Variants in ATP8A2 observed in about 807,000 individuals in gnomAD.
The protein encoded by ATP8A2 is phospholipid-transporting ATPase IB.
ATP8A2 carries 100 observed loss-of-function variants against 165.6 expected under a neutral mutation model. That is an observed-to-expected ratio of 0.60 (90% CI 0.51 to 0.71). The LOEUF (loss-of-function observed/expected upper bound fraction) is 0.71. ATP8A2 is among the 30% of genes least tolerant of loss of function. The pLI is 0.00. For synonymous variants in ATP8A2, 543 were observed against 548.8 expected, an observed-to-expected ratio of 0.99 and a Z score of 0.15; for missense variants, 1,227 against 1,479.5, an observed-to-expected ratio of 0.83 and a Z score of 2.80.
intron 2 of ATP8A2, 96 bp from the exon 3 acceptor site, chr13:25,529,903 A>T: frequency 3.0e-6 from 2 of 661,492 alleles, no homozygotes; most frequent in Non-Finnish European, 5.0e-6. Flanking sequence ...ATTTTTTTTT[A>T]AACCATTTGT....
At chr13:25,747,566 G>T (rs542272721) in intron 25 of ATP8A2, among the ~76,000 whole-genome samples, 95 of 147,560 alleles carry the variant, frequency 6.4e-4, no homozygotes, top group African/African-American at 2.3e-3. Flanking sequence ...TCATGGAGGA[G>T]GGGTTAGACA....
chr13:25,917,101 T>C (rs977506030), intron 33 of ATP8A2, among the ~76,000 whole-genome samples: 1 of 152,244 alleles, frequency 6.6e-6, no homozygotes, highest in Non-Finnish European at 1.5e-5. Context: ...GGATTGACTC[T>C]AGCCGCCCAT....
At chr13:25,435,681 G>A (rs1418948274) in intron 1 of ATP8A2, among the ~76,000 whole-genome samples, 1 of 151,710 alleles carries the variant, frequency 6.6e-6, no homozygotes, top group African/African-American at 2.4e-5. Context: ...TATTTGCACA[G>A]TTAATGGATC....
At chr13:25,671,699 C>A (rs986010997) in intron 24 of ATP8A2, among the ~76,000 whole-genome samples, 2 of 152,168 alleles carry the variant, frequency 1.3e-5, no homozygotes, top group African/African-American at 4.8e-5. Context: ...AAAACCCTGT[C>A]TCCTGATAAG....
chr13:25,741,511 A>G (rs1004414386), intron 25 of ATP8A2, among the ~76,000 whole-genome samples: 5 of 151,832 alleles, frequency 3.3e-5, no homozygotes, highest in African/African-American at 1.2e-4. Context: ...CCTCCTGAAT[A>G]GCTGGGTATA....
chr13:25,953,896 G>A lies in ATP8A2; in HGVS notation c.3184-7679G>A, dbSNP rs1429466181. 1.3e-5 allele frequency among the ~76,000 whole-genome samples: 2 copies of A among 152,122 alleles called. No individual in the cohort carries two copies. The highest frequency in any genetic ancestry group is 1.9e-4 in the East Asian group (1 of 5,190). The stretch of plus-strand genomic sequence containing the variant: ...TCCCTCCGGTGCCTACATCACCAGG[G>A]CCCTGGGTTTCAAGCACAAAACTGC... On this transcript the variant is annotated intron_variant, in intron 33 of 36. Coordinates refer to ENST00000381655, the MANE Select transcript of ATP8A2 (RefSeq NM_016529.6). The surrounding 1 kb of genome is among the most constrained non-coding windows in gnomAD (Gnocchi z 6.7).
Position 25,769,138 on chromosome 13 carries a change from T to G in ATP8A2, c.2477T>G (p.Val826Gly). The change falls in exon 26 of 37, where the codon GTC becomes GGC. Residue 826 changes from valine (V) to glycine (G), a missense_variant. Val to Gly is a moderately radical substitution (Grantham distance 109). Coordinates refer to ENST00000381655, the MANE Select transcript of ATP8A2 (RefSeq NM_016529.6). ...TLAIGDGAND[V>G]GMIQTAHVGV... ...GCCATCGGAGACGGCGCCAACGATGTCGGGATGATCCAGACAGCCCACGTG... is the reference window on the plus strand; with the variant it reads ...GCCATCGGAGACGGCGCCAACGATGGCGGGATGATCCAGACAGCCCACGTG... 1.2e-6 allele frequency: 2 copies of G among 1,614,122 alleles called. No individual in the cohort carries two copies. The highest frequency in any genetic ancestry group is 1.7e-6 in the Non-Finnish European group (2 of 1,180,016).
intron 33 of ATP8A2, among the ~76,000 whole-genome samples, chr13:25,952,935 C>A (rs1459732469): frequency 6.6e-6 from 1 of 152,078 alleles, no homozygotes; most frequent in Non-Finnish European, 1.5e-5. Context: ...CTCATGAAAA[C>A]CAAGGTTTTC....
At chr13:25,759,654 T>C (rs994485467) in intron 25 of ATP8A2, among the ~76,000 whole-genome samples, 1 of 152,196 alleles carries the variant, frequency 6.6e-6, no homozygotes, top group Non-Finnish European at 1.5e-5. Context: ...GATGTGTTAT[T>C]CTAATCCCTG....
intron 25 of ATP8A2, among the ~76,000 whole-genome samples, 158 bp from the exon 26 acceptor site, chr13:25,768,888 A>G (rs1305994554): frequency 6.6e-6 from 1 of 152,226 alleles, no homozygotes; most frequent in African/African-American, 2.4e-5. Context: ...GCCACAAGCT[A>G]CTGTTTTCTG....
In ATP8A2 at chr13:25,533,297, C is replaced by A. The variant is rs2038174493; in HGVS notation, c.491C>A (p.Thr164Asn). The change falls in exon 6 of 37, where the codon ACC becomes AAC. Residue 164 changes from threonine to asparagine, a missense_variant. This residue lies in a region of ATP8A2 where 356 missense variants were observed against 394.9 expected (regional missense o/e 0.90). Transcript: ENST00000381655. ...TIVLRNGMWH[T>N]IMWKEVAVGD... ...GTGTTAAGAAATGGTATGTGGCATACCATTATGTGGAAAGAGGTAAAAACT... is the reference window on the plus strand; with the variant it reads ...GTGTTAAGAAATGGTATGTGGCATAACATTATGTGGAAAGAGGTAAAAACT... The A allele has an allele frequency of 6.6e-7, 1 of 1,514,006 alleles. No individual in the cohort carries two copies. Among genetic ancestry groups the A allele is most frequent in the Non-Finnish European group, 9.2e-7 (1 of 1,092,814 alleles). The allele number at this position is 1,514,006 out of a possible 1,614,324, so 93.8% of individuals were successfully genotyped here. A position where few individuals can be genotyped will look rare whatever the true frequency, so the allele number is the denominator to read the frequency against.
At position 25,804,877 on chromosome 13, in the gene ATP8A2, G is replaced by T. The variant is rs543325117; in HGVS notation, c.2680-23241G>T. Among the ~76,000 whole-genome samples the T allele has an allele frequency of 8.5e-5, 13 of 152,310 alleles. No individual in the cohort carries two copies. In the East Asian group the frequency reaches 2.5e-3, roughly 29 times the overall value. ...GTAGAAGCTAGCTGAGGTTTAAGAG[G>T]TTTGTGCAGGAGAAAAATGAGGCGT... On this transcript the variant is annotated intron_variant, in intron 27 of 36. Transcript: ENST00000381655.
intron 36 of ATP8A2, among the ~76,000 whole-genome samples, chr13:26,014,483 G>A (rs1031508219): frequency 6.6e-6 from 1 of 152,152 alleles, no homozygotes; most frequent in Non-Finnish European, 1.5e-5. Context: ...TGAATGAGGG[G>A]CTTAGCATCT....
chr13:25,961,181 G>A (rs566357736), intron 33 of ATP8A2, among the ~76,000 whole-genome samples: 25 of 152,268 alleles, frequency 1.6e-4, no homozygotes, highest in Middle Eastern at 3.4e-3. Flanking sequence ...ATGAATGAAC[G>A]GGCATTGAGA....
intron 2 of ATP8A2, among the ~76,000 whole-genome samples, chr13:25,504,421 C>CTTT (rs577817952): frequency 6.4e-5 from 8 of 124,182 alleles, no homozygotes; most frequent in African/African-American, 1.8e-4. Context: ...CTTTCCTTTC[C>CTTT]TTTTTTTTTT....
chr13:25,480,287 G>A (rs968707583), intron 2 of ATP8A2, among the ~76,000 whole-genome samples: 1 of 150,780 alleles, frequency 6.6e-6, no homozygotes, highest in African/African-American at 2.4e-5. Context: ...CGGCTGGCCG[G>A]GCGGGGGGCT....
chr13:25,662,742 A>C (rs2042076568), intron 24 of ATP8A2, among the ~76,000 whole-genome samples: 1 of 152,188 alleles, frequency 6.6e-6, no homozygotes, highest in South Asian at 2.1e-4. Context: ...TCCTTGAAAC[A>C]CTATTAGCCG....
At chr13:25,484,450 T>A (rs1566173392) in intron 2 of ATP8A2, among the ~76,000 whole-genome samples, 1 of 152,146 alleles carries the variant, frequency 6.6e-6, no homozygotes, top group African/African-American at 2.4e-5. Context: ...GTGCATAATA[T>A]GGAAACTGAA....
chr13:25,639,139 T>C (rs1254010089), intron 24 of ATP8A2, among the ~76,000 whole-genome samples: 3 of 151,988 alleles, frequency 2.0e-5, no homozygotes, highest in Non-Finnish European at 4.4e-5. Flanking sequence ...TACCAGCCAC[T>C]GCAAAAACAT....
Sources: allele counts gnomAD v4.1 joint callset (sites outside exome capture counted in the v4.1 genomes callset), GRCh38; gene constraint gnomAD v4.1.1; regional missense constraint gnomAD v4.1.1; non-coding constraint Gnocchi (gnomAD v3.1); transcripts MANE v1.5; gene names NCBI Gene and HGNC (gene_info 2026-07-23, HGNC 2026-07-21).